The following MECOM variants were observed in gnomAD, a reference collection of about 807,000 sequenced individuals.
MECOM encodes the protein MDS1 and EVI1 complex locus.
MECOM carries 13 observed loss-of-function variants against 116.3 expected under a neutral mutation model. That is an observed-to-expected ratio of 0.11 (90% CI 0.07 to 0.18). MECOM has a LOEUF of 0.18. Ranked by LOEUF, MECOM falls within the 10% of genes least tolerant of loss-of-function variation. MECOM has a pLI of 1.00. For missense variants in MECOM, 1,299 were observed against 1,509.0 expected (o/e 0.86, Z 2.31); for synonymous variants, 528 against 535.2 (o/e 0.99, Z 0.19).
chr3:169,246,494 A>G (rs894465925), intron 2 of MECOM, among the ~76,000 whole-genome samples: 5 of 151,600 alleles, frequency 3.3e-5, no homozygotes, highest in Non-Finnish European at 7.4e-5. Flanking sequence ...TAATTAGATT[A>G]TCTCATCTAT....
At chr3:169,461,427 AG>A (rs1747422375) in intron 1 of MECOM, among the ~76,000 whole-genome samples, 1 of 152,206 alleles carries the variant, frequency 6.6e-6, no homozygotes, top group Non-Finnish European at 1.5e-5. Flanking sequence ...GAAGAACTCT[AG>A]AATTTTAGGA....
At chr3:169,234,335 A>G (rs539149188) in intron 2 of MECOM, among the ~76,000 whole-genome samples, 1 of 152,186 alleles carries the variant, frequency 6.6e-6, no homozygotes, top group Admixed American at 6.5e-5. Flanking sequence ...TTTAGGTTCT[A>G]TCAAGATTCT....
chr3:169,534,559 C>T (rs1759093045), intron 1 of MECOM, among the ~76,000 whole-genome samples: 1 of 152,008 alleles, frequency 6.6e-6, no homozygotes, highest in African/African-American at 2.4e-5. Context: ...AAAAAAAAAC[C>T]CTACTGACTT....
chr3:169,262,558 C>T lies in MECOM; in HGVS notation c.375+118629G>A, dbSNP rs527902982. 2.0e-4 allele frequency among the ~76,000 whole-genome samples: 31 copies of T among 152,192 alleles called. 1 individual carries two copies. Among genetic ancestry groups the T allele is most frequent in the Middle Eastern group, 3.4e-3 (1 of 294 alleles). On this transcript the variant is annotated intron_variant, in intron 2 of 16. Transcript: ENST00000651503. The stretch of plus-strand genomic sequence containing the variant: ...ACCAATGAAATGTAGGTGAAGGCCA[C>T]GGGTCACGTTAGGCTGGGCTCTTTA...
chr3:169,251,357 T>C (rs772271875), intron 2 of MECOM, among the ~76,000 whole-genome samples: 6 of 152,196 alleles, frequency 3.9e-5, no homozygotes, highest in Non-Finnish European at 5.9e-5. Context: ...GGTTTTATAG[T>C]TCAGCTGTGA....
At chr3:169,529,489 T>C (rs1429004766) in intron 1 of MECOM, among the ~76,000 whole-genome samples, 3 of 152,158 alleles carry the variant, frequency 2.0e-5, no homozygotes, top group Non-Finnish European at 4.4e-5. Context: ...CATATCCATA[T>C]CCTGTAGCAT....
chr3:169,448,754 CTTGA>C (rs1177754846), intron 1 of MECOM, among the ~76,000 whole-genome samples: 1 of 152,120 alleles, frequency 6.6e-6, no homozygotes, highest in Non-Finnish European at 1.5e-5. Context: ...CTCAACTACT[CTTGA>C]TTATTTCCAA....
intron 1 of MECOM, among the ~76,000 whole-genome samples, chr3:169,459,951 T>C (rs538130575): frequency 6.6e-6 from 1 of 152,318 alleles, no homozygotes; most frequent in South Asian, 2.1e-4. Context: ...TTCTTAACTC[T>C]TTAGGCTGCT....
intron 2 of MECOM, among the ~76,000 whole-genome samples, chr3:169,171,042 T>G (rs904344238): frequency 2.0e-5 from 3 of 152,230 alleles, no homozygotes; most frequent in Non-Finnish European, 4.4e-5. Flanking sequence ...CTGGAATTTC[T>G]TTTTTATGTC....
chr3:169,147,700 T>G, intron 2 of MECOM: 1 of 983,952 alleles, frequency 1.0e-6, no homozygotes, highest in Non-Finnish European at 1.2e-6. Context: ...TTCGATGTCT[T>G]GAAAGCACAA....
chr3:169,657,800 T>C (rs1775711541), intron 1 of MECOM, among the ~76,000 whole-genome samples: 1 of 152,258 alleles, frequency 6.6e-6, no homozygotes, highest in Non-Finnish European at 1.5e-5. Flanking sequence ...GTAAACAGTT[T>C]CTTCCCTATG....
chr3:169,191,850 A>G (rs141431876), intron 2 of MECOM, among the ~76,000 whole-genome samples: 1 of 152,192 alleles, frequency 6.6e-6, no homozygotes, highest in East Asian at 1.9e-4. Flanking sequence ...ACATAGGTAA[A>G]AACACTAAAA....
intron 2 of MECOM, among the ~76,000 whole-genome samples, chr3:169,224,944 G>A (rs929712417): frequency 6.6e-6 from 1 of 152,174 alleles, no homozygotes; most frequent in African/African-American, 2.4e-5. Context: ...AAATGTATGT[G>A]TGTATTTTCC....
chr3:169,156,529 G>T (rs1425153809), intron 2 of MECOM, among the ~76,000 whole-genome samples: 1 of 152,122 alleles, frequency 6.6e-6, no homozygotes, highest in Non-Finnish European at 1.5e-5. Flanking sequence ...CAAATTGAAA[G>T]CATTTGGAAA....
intron 1 of MECOM, among the ~76,000 whole-genome samples, chr3:169,450,064 T>C (rs1234166859): frequency 6.6e-6 from 1 of 152,212 alleles, no homozygotes; most frequent in Non-Finnish European, 1.5e-5. Context: ...AAGAGCAGCT[T>C]CTTACTCTGT....
chr3:169,575,561 T>C (rs1764393909), intron 1 of MECOM, among the ~76,000 whole-genome samples: 1 of 152,172 alleles, frequency 6.6e-6, no homozygotes, highest in Non-Finnish European at 1.5e-5. Flanking sequence ...AGATGAGCCG[T>C]CCGGGGATGC....
chr3:169,385,139 C>T (rs1238849195), intron 1 of MECOM, among the ~76,000 whole-genome samples: 1 of 151,448 alleles, frequency 6.6e-6, no homozygotes, highest in Non-Finnish European at 1.5e-5. Flanking sequence ...GAGACAAGCC[C>T]ATCTGTGCCC....
At chr3:169,389,823 A>G (rs767124924) in intron 1 of MECOM, among the ~76,000 whole-genome samples, 4 of 152,250 alleles carry the variant, frequency 2.6e-5, no homozygotes, top group African/African-American at 4.8e-5. Context: ...TACTGTTTAA[A>G]CAGGTATTTA....
At chr3:169,278,075 C>T (rs1414011601) in intron 2 of MECOM, among the ~76,000 whole-genome samples, 4 of 152,236 alleles carry the variant, frequency 2.6e-5, no homozygotes, top group African/African-American at 9.6e-5. Context: ...TCTCCAGAAA[C>T]ATTCACTGAA....
Sources: gnomAD v4.1 joint callset for allele counts (sites outside exome capture counted in the v4.1 genomes callset) on GRCh38, gnomAD v4.1.1 for gene constraint, MANE v1.5 for transcripts, NCBI Gene and HGNC (gene_info 2026-07-23, HGNC 2026-07-21) for gene names.